Variants in SYNE2 observed in about 807,000 individuals in gnomAD.
SYNE2 encodes the protein nesprin-2.
In SYNE2, 431 loss-of-function variants were observed where a neutral mutation model predicts 856.3. That is an observed-to-expected ratio of 0.50 (90% CI 0.47 to 0.55). The LOEUF is 0.55. Among genes scored for constraint, SYNE2 ranks in the 20% least tolerant of loss-of-function variants. SYNE2 has a pLI of 0.00. For missense variants in SYNE2, 8,129 were observed against 8,023.2 expected, an observed-to-expected ratio of 1.01 and a Z score of -0.50; for synonymous variants, 2,923 against 2,872.3, an observed-to-expected ratio of 1.02 and a Z score of -0.56.
intron 2 of SYNE2, among the ~76,000 whole-genome samples, chr14:63,919,110 T>G (rs1444019097): frequency 1.3e-5 from 2 of 152,222 alleles, no homozygotes; most frequent in Non-Finnish European, 2.9e-5. Flanking sequence ...GATTCATTCA[T>G]GCAGCAAATG....
At chr14:63,798,384 GTTT>G (rs548013514) in intron 1 of SYNE2, among the ~76,000 whole-genome samples, 1 of 127,462 alleles carries the variant, frequency 7.8e-6, no homozygotes, top group African/African-American at 2.9e-5. Flanking sequence ...ACCTTAACTT[GTTT>G]TTTTTTTTTT....
At chr14:63,951,674 A>G (rs1473023706) in intron 7 of SYNE2, among the ~76,000 whole-genome samples, 2 of 152,220 alleles carry the variant, frequency 1.3e-5, no homozygotes, top group Non-Finnish European at 2.9e-5. Flanking sequence ...ATAACCTTAT[A>G]TAGAGGTTTA....
chr14:64,149,600 C>G (rs547171672), intron 84 of SYNE2, among the ~76,000 whole-genome samples: 1 of 152,096 alleles, frequency 6.6e-6, no homozygotes, highest in Non-Finnish European at 1.5e-5. Context: ...ATTAATCCCT[C>G]AAGTTTGATG....
chr14:63,959,590 C>T (rs866165182), intron 8 of SYNE2, among the ~76,000 whole-genome samples: 4 of 152,232 alleles, frequency 2.6e-5, no homozygotes, highest in Non-Finnish European at 4.4e-5. Context: ...AGCCACCGTA[C>T]GTGGCCTGCC....
chr14:64,077,626 C>T (rs1190065709), intron 54 of SYNE2, among the ~76,000 whole-genome samples: 1 of 55,416 alleles, frequency 1.8e-5, no homozygotes, highest in African/African-American at 4.8e-5. Context: ...AATGGTTATA[C>T]AGATAGAGTT....
At chr14:64,003,506 T>G (rs1396560516) in intron 30 of SYNE2, among the ~76,000 whole-genome samples, 176 bp downstream of exon 30, 1 of 152,258 alleles carries the variant, frequency 6.6e-6, no homozygotes, top group African/African-American at 2.4e-5. Flanking sequence ...TTGTTGGTAT[T>G]GTACCTGTAC....
intron 55 of SYNE2, among the ~76,000 whole-genome samples, chr14:64,080,058 T>C (rs1477815712): frequency 1.3e-5 from 2 of 152,010 alleles, no homozygotes; most frequent in East Asian, 1.9e-4. Context: ...TGTGTGTGTG[T>C]GTGTGTGCGC....
intron 1 of SYNE2, among the ~76,000 whole-genome samples, chr14:63,894,054 A>G (rs968552841): frequency 1.3e-5 from 2 of 152,232 alleles, no homozygotes; most frequent in African/African-American, 2.4e-5. Flanking sequence ...AAGTTACCCA[A>G]TGACAGACTG....
Position 64,089,368 on chromosome 14 carries a change from GGA to G in SYNE2, c.11671-205_11671-204del, listed in dbSNP as rs1491565596. Among the ~76,000 whole-genome samples the G allele has an allele frequency of 6.8e-4, 17 of 25,142 alleles. No individual in the cohort carries two copies. In the East Asian group the frequency reaches 0.019, roughly 29 times the overall value. 16.5% of individuals were successfully genotyped at this position (25,142 alleles called of 152,430 possible). On this transcript the variant is annotated intron_variant, in intron 58 of 115. Transcript: ENST00000555002. ...GCAACAAGAGCGAAACTCCGTCTCA[GGA>G]AAAAAAAAAAAAAAAAAAAAAAAAA... is the stretch of plus-strand genomic sequence containing the variant.
chr14:64,208,865 TGACTC>T lies in SYNE2; in HGVS notation c.18312_18316del (p.Ser6105ProfsTer43), dbSNP rs1177756267. 5 of 1,614,158 alleles carry T rather than the reference TGACTC, an allele frequency of 3.1e-6. No individual in the cohort carries two copies. Among genetic ancestry groups the T allele is most frequent in the Non-Finnish European group, 4.2e-6 (5 of 1,180,032 alleles). On this transcript the variant is annotated frameshift_variant, in exon 101 of 116. Coordinates refer to ENST00000555002, the MANE Select transcript of SYNE2 (RefSeq NM_182914.3). LOFTEE classifies it high-confidence loss of function. ...ATGCCTGTGCAAATGAGACCGAGTG[TGACTC>T]GATCCAGCAGACCACCAGGAGCCTG... is the stretch of plus-strand genomic sequence containing the variant.
chr14:63,933,245 A>G (rs1363503761), intron 2 of SYNE2, among the ~76,000 whole-genome samples: 1 of 152,200 alleles, frequency 6.6e-6, no homozygotes, highest in African/African-American at 2.4e-5. Context: ...TCTTAGCCTC[A>G]GGTAACTGCT....
intron 1 of SYNE2, among the ~76,000 whole-genome samples, chr14:63,773,935 A>G (rs560030605): frequency 6.6e-6 from 1 of 152,320 alleles, no homozygotes; most frequent in East Asian, 1.9e-4. Context: ...CTCTCATAGG[A>G]CTTTTACACC....
intron 1 of SYNE2, among the ~76,000 whole-genome samples, chr14:63,806,671 T>C (rs1306629177): frequency 6.6e-6 from 1 of 152,118 alleles, no homozygotes; most frequent in Admixed American, 6.6e-5. Context: ...TGCAAAGTTG[T>C]TCATAATAGT....
At chr14:64,184,677 A>G (rs952461043) in intron 96 of SYNE2, among the ~76,000 whole-genome samples, 5 of 152,124 alleles carry the variant, frequency 3.3e-5, no homozygotes, top group Non-Finnish European at 7.4e-5. Context: ...TATGTTATGT[A>G]GCTTTCCAAA....
At chr14:63,997,541 G>A (rs1594759926) in intron 25 of SYNE2, 150 bp downstream of exon 25, 1 of 740,532 alleles carries the variant, frequency 1.4e-6, no homozygotes, top group East Asian at 2.7e-5. Context: ...GCAAAAGACT[G>A]ATTTTCAAAG....
At chr14:63,818,024 C>CAAAAAAAAAAAAAAAAAAA (rs34186501) in intron 1 of SYNE2, among the ~76,000 whole-genome samples, 2 of 64,774 alleles carry the variant, frequency 3.1e-5, no homozygotes, top group Non-Finnish European at 5.3e-5. Context: ...GACCCTTTCT[C>CAAAAAAAAAAAAAAAAAAA]AAAAAAAAAA....
intron 1 of SYNE2, among the ~76,000 whole-genome samples, chr14:63,867,966 C>T (rs778776803): frequency 8.5e-5 from 13 of 152,072 alleles, no homozygotes; most frequent in Non-Finnish European, 1.8e-4. Context: ...GGGAAGATCG[C>T]TCGAGCCCAG....
chr14:64,001,932 A>G lies in SYNE2; in HGVS notation c.3639-2A>G. On this transcript the variant is annotated splice_acceptor_variant, in intron 28 of 115. Transcript: ENST00000555002. LOFTEE classifies it high-confidence loss of function. ...CTCATGTCTGATTTACCTTGCACCC[A>G]GAATGGAATCTTTAGAGACAGCACT... 6.2e-7 allele frequency: 1 copy of G among 1,614,166 alleles called. No homozygotes were observed. Among genetic ancestry groups the G allele is most frequent in the Non-Finnish European group, 8.5e-7 (1 of 1,180,004 alleles).
chr14:63,986,521 T>G lies in SYNE2; in HGVS notation c.2217T>G (p.Val739=), dbSNP rs1466868409. ...FTGQLKVAKD[V]EKLIGQVEIW... ...GGCAACTAAAAGTGGCTAAAGATGT[T>G]GAAAAACTCATTGGACAAGTGGAAA... Residue 739 remains valine, a synonymous_variant, in exon 19 of 116, where the codon GTT becomes GTG. Transcript: ENST00000555002. 6.2e-7 allele frequency: 1 copy of G among 1,614,166 alleles called. No homozygotes were observed. The highest frequency in any genetic ancestry group is 1.1e-5 in the South Asian group (1 of 91,084).
Sources: gnomAD v4.1 joint callset for allele counts (sites outside exome capture counted in the v4.1 genomes callset) on GRCh38, gnomAD v4.1.1 for gene constraint, MANE v1.5 for transcripts, NCBI Gene and HGNC (gene_info 2026-07-23, HGNC 2026-07-21) for gene names.